The following HHAT variants were observed in gnomAD, a reference collection of about 807,000 sequenced individuals.
HHAT encodes the protein protein-cysteine N-palmitoyltransferase HHAT.
HHAT carries 47 observed loss-of-function variants against 70.8 expected under a neutral mutation model. The ratio of observed to expected loss-of-function variants is 0.66; its 90% CI spans 0.53 to 0.85. The LOEUF (loss-of-function observed/expected upper bound fraction) is 0.85. Among genes scored for constraint, HHAT ranks in the 40% least tolerant of loss-of-function variants. The pLI is 0.00. For missense variants in HHAT, 609 were observed against 604.8 expected (o/e 1.01, Z -0.07); for synonymous variants, 228 against 247.6 (o/e 0.92, Z 0.74).
intron 11 of HHAT, among the ~76,000 whole-genome samples, chr1:210,649,734 T>C (rs1573995249): frequency 6.6e-6 from 1 of 152,280 alleles, no homozygotes; most frequent in East Asian, 1.9e-4. Flanking sequence ...TGTTGGAGTG[T>C]TGGGTTTGGG....
chr1:210,413,139 T>G (rs971016655), intron 6 of HHAT, among the ~76,000 whole-genome samples: 1 of 152,212 alleles, frequency 6.6e-6, no homozygotes, highest in Non-Finnish European at 1.5e-5. Context: ...TTACATTACT[T>G]TTTCTCTGAC....
chr1:210,429,345 C>T (rs900500153), intron 7 of HHAT, among the ~76,000 whole-genome samples: 8 of 151,726 alleles, frequency 5.3e-5, no homozygotes, highest in South Asian at 2.1e-4. Flanking sequence ...ATTTTGTCAA[C>T]CCAGAATCAG....
rs764744070 is a variant in HHAT at position 210,404,448 on chromosome 1, C to G, written c.469-16C>G. On this transcript the variant is annotated splice_polypyrimidine_tract_variant and intron_variant, in intron 5 of 11. Transcript: ENST00000261458. ...GCTGGCCACTCAAAGGTTGTTCTCT[C>G]CTTTTGATTTTGTAGAGAAGGTGGT... The G allele has an allele frequency of 2.5e-6, 4 of 1,597,982 alleles. No homozygotes were observed. In the African/African-American group the frequency reaches 5.4e-5, roughly 21 times the overall value.
At chr1:210,509,560 G>A (rs974825142) in intron 8 of HHAT, among the ~76,000 whole-genome samples, 1 of 152,216 alleles carries the variant, frequency 6.6e-6, no homozygotes, top group African/African-American at 2.4e-5. Flanking sequence ...CTGTGGTGCA[G>A]ATGATAATAG....
chr1:210,333,868 G>T (rs2085222986), intron 1 of HHAT, among the ~76,000 whole-genome samples: 2 of 152,096 alleles, frequency 1.3e-5, no homozygotes, highest in African/African-American at 4.8e-5. Context: ...TGTTGGCCAG[G>T]CTGGTCTTGA....
chr1:210,512,448 G>C (rs193120344), intron 8 of HHAT, among the ~76,000 whole-genome samples: 1 of 152,204 alleles, frequency 6.6e-6, no homozygotes, highest in East Asian at 1.9e-4. Context: ...GCTGAGGTGG[G>C]AGGATTGCTT....
At chr1:210,327,333 C>A (rs1308028854), upstream of HHAT, among the ~76,000 whole-genome samples, 1 of 134,950 alleles carries the variant, frequency 7.4e-6, no homozygotes, top group Non-Finnish European at 1.5e-5. Context: ...GATGGAGTTT[C>A]ATCATGTTGG....
intron 11 of HHAT, among the ~76,000 whole-genome samples, chr1:210,671,497 G>A (rs1168843288): frequency 6.6e-6 from 1 of 152,184 alleles, no homozygotes; most frequent in East Asian, 1.9e-4. Flanking sequence ...ACTTCATTTG[G>A]GAATAGGTTC....
intron 11 of HHAT, among the ~76,000 whole-genome samples, chr1:210,653,002 G>A (rs1419931032): frequency 2.0e-5 from 3 of 152,078 alleles, no homozygotes; most frequent in African/African-American, 7.2e-5. Flanking sequence ...AAATATACAA[G>A]GATATCCATT....
At chr1:210,640,539 G>GTT (rs144510897) in intron 11 of HHAT, among the ~76,000 whole-genome samples, 6 of 149,964 alleles carry the variant, frequency 4.0e-5, no homozygotes, top group Admixed American at 3.3e-4. Flanking sequence ...TGTGGACACA[G>GTT]TTTTTTTTTT....
intron 11 of HHAT, among the ~76,000 whole-genome samples, chr1:210,672,046 C>T (rs543553444): frequency 2.8e-4 from 43 of 152,334 alleles, no homozygotes; most frequent in African/African-American, 1.0e-3. Context: ...CATGCTATGC[C>T]AGGCACTGTG....
At chr1:210,348,736 C>CGTGCGTGTGTGT (rs1553317703) in intron 1 of HHAT, among the ~76,000 whole-genome samples, 197 bp from the exon 2 acceptor site, 1 of 147,938 alleles carries the variant, frequency 6.8e-6, no homozygotes, top group Non-Finnish European at 1.5e-5. Flanking sequence ...TGTATGTGTG[C>CGTGCGTGTGTGT]GTGTGTGTGT....
chr1:210,585,472 G>A (rs1660229368), intron 9 of HHAT, among the ~76,000 whole-genome samples: 1 of 152,084 alleles, frequency 6.6e-6, no homozygotes, highest in Admixed American at 6.5e-5. Context: ...GAGTGCAGTG[G>A]CATGTTTTCA....
chr1:210,659,887 C>T (rs531455019), intron 11 of HHAT, among the ~76,000 whole-genome samples: 1 of 152,216 alleles, frequency 6.6e-6, no homozygotes, highest in South Asian at 2.1e-4. Flanking sequence ...GCCAAAAACT[C>T]TCAATAAAAT....
intron 10 of HHAT, among the ~76,000 whole-genome samples, chr1:210,598,454 AC>A (rs1663512573): frequency 6.6e-6 from 1 of 152,026 alleles, no homozygotes. Context: ...TTTATTTATG[AC>A]CTTAGAGCCC....
At chr1:210,463,749 G>T (rs756594463) in intron 7 of HHAT, among the ~76,000 whole-genome samples, 7 of 135,860 alleles carry the variant, frequency 5.2e-5, no homozygotes, top group African/African-American at 1.9e-4. Flanking sequence ...CAAAGCAGCT[G>T]CCTCGCTCTA....
intron 11 of HHAT, among the ~76,000 whole-genome samples, chr1:210,667,052 C>G (rs1403326652): frequency 6.6e-6 from 1 of 151,124 alleles, no homozygotes; most frequent in Non-Finnish European, 1.5e-5. Flanking sequence ...TGCACTCCAG[C>G]CTGGGCGACA....
chr1:210,501,897 T>TA (rs2094762321), intron 8 of HHAT, among the ~76,000 whole-genome samples: 1 of 152,072 alleles, frequency 6.6e-6, no homozygotes, highest in African/African-American at 2.4e-5. Flanking sequence ...CCTTTTTTTT[T>TA]AAACAAAGCT....
chr1:210,529,716 T>G (rs115480099), intron 9 of HHAT, among the ~76,000 whole-genome samples: 239 of 152,186 alleles, frequency 1.6e-3, no homozygotes, highest in African/African-American at 5.2e-3. Context: ...CAGAGAGACA[T>G]GCAGCTTTCC....
Sources: gnomAD v4.1 joint callset for allele counts (sites outside exome capture counted in the v4.1 genomes callset) on GRCh38, gnomAD v4.1.1 for gene constraint, MANE v1.5 for transcripts, NCBI Gene and HGNC (gene_info 2026-07-23, HGNC 2026-07-21) for gene names.